DYNC2H1: variants seen among roughly 807,000 people sequenced by gnomAD.
DYNC2H1 encodes dynein cytoplasmic 2 heavy chain 1.
DYNC2H1 carries 410 observed loss-of-function variants against 570.0 expected under a neutral mutation model. The ratio of observed to expected loss-of-function variants is 0.72; its 90% CI spans 0.66 to 0.78. The LOEUF (loss-of-function observed/expected upper bound fraction) is 0.78. Among genes scored for constraint, DYNC2H1 ranks in the 30% least tolerant of loss-of-function variants. The pLI is 0.00. For synonymous variants in DYNC2H1, 1,688 were observed against 1,677.6 expected, an observed-to-expected ratio of 1.01 and a Z score of -0.15; for missense variants, 4,865 against 5,046.4, an observed-to-expected ratio of 0.96 and a Z score of 1.09.
chr11:103,152,011 G>A, intron 20 of DYNC2H1, 125 bp from the exon 21 acceptor site: 1 of 1,109,374 alleles, frequency 9.0e-7, no homozygotes, highest in African/African-American at 1.6e-5. Context: ...TTAACAAACT[G>A]TTTAAATGCA....
chr11:103,124,979 A>G (rs1858915363), intron 11 of DYNC2H1, 121 bp from the exon 12 acceptor site: 1 of 696,962 alleles, frequency 1.4e-6, no homozygotes, highest in South Asian at 2.6e-5. Flanking sequence ...CTATAATTAA[A>G]AAGTTTTTTT....
At chr11:103,287,911 T>A (rs1866413609) in intron 75 of DYNC2H1, among the ~76,000 whole-genome samples, 2 of 151,220 alleles carry the variant, frequency 1.3e-5, no homozygotes, top group South Asian at 4.2e-4. Flanking sequence ...GAGACCGGAG[T>A]TTTATTATTA....
At chr11:103,217,416 A>C (rs1591425568) in intron 55 of DYNC2H1, among the ~76,000 whole-genome samples, 1 of 152,206 alleles carries the variant, frequency 6.6e-6, no homozygotes. Flanking sequence ...ATATTACTGT[A>C]ATATTAGGCA....
At chr11:103,126,172 A>G (rs1363254979) in intron 12 of DYNC2H1, among the ~76,000 whole-genome samples, 1 of 152,216 alleles carries the variant, frequency 6.6e-6, no homozygotes, top group East Asian at 1.9e-4. Context: ...CCTGTCAGGC[A>G]TAGCATAGGA....
At position 103,347,833 on chromosome 11, in the gene DYNC2H1, A is replaced by T. The variant is rs567265657; in HGVS notation, c.12040-10410A>T. On this transcript the variant is annotated intron_variant, in intron 82 of 88. Coordinates refer to ENST00000375735, the MANE Select transcript of DYNC2H1 (RefSeq NM_001377.3). ...TGTTGAAAATGGCAACCACTTTTCA[A>T]GTCCCCCTCACAGTTAGAGAACAGT... Among the ~76,000 whole-genome samples the T allele has an allele frequency of 4.6e-5, 7 of 152,184 alleles. No individual in the cohort carries two copies. In the East Asian group the frequency reaches 1.4e-3, roughly 29 times the overall value.
chr11:103,238,541 A>G (rs1471897299), intron 63 of DYNC2H1, among the ~76,000 whole-genome samples: 2 of 151,174 alleles, frequency 1.3e-5, no homozygotes, highest in Non-Finnish European at 1.5e-5. Context: ...CGCATACTCC[A>G]GCCTGGGTGA....
intron 83 of DYNC2H1, among the ~76,000 whole-genome samples, chr11:103,361,283 G>T (rs923799683): frequency 6.6e-6 from 1 of 152,118 alleles, no homozygotes; most frequent in Admixed American, 6.6e-5. Context: ...AGGTTCCAGA[G>T]GGATCCCTTA....
chr11:103,234,715 A>G (rs1385531700), intron 61 of DYNC2H1, among the ~76,000 whole-genome samples: 1 of 151,826 alleles, frequency 6.6e-6, no homozygotes, highest in Admixed American at 6.6e-5. Flanking sequence ...AATATCACCT[A>G]CACCTTCATA....
intron 83 of DYNC2H1, among the ~76,000 whole-genome samples, chr11:103,370,048 G>A (rs546380239): frequency 6.6e-6 from 1 of 152,334 alleles, no homozygotes; most frequent in Non-Finnish European, 1.5e-5. Flanking sequence ...GCTCTTAGAC[G>A]GCATTGCTGG....
intron 12 of DYNC2H1, among the ~76,000 whole-genome samples, chr11:103,125,905 G>C (rs927196932): frequency 1.3e-5 from 2 of 152,140 alleles, no homozygotes; most frequent in African/African-American, 4.8e-5. Context: ...ATTGAAATCT[G>C]TTCTCTGATT....
rs568596506 is a variant in DYNC2H1 at position 103,245,257 on chromosome 11, A to G, written c.9925A>G (p.Asn3309Asp). 2 of 1,536,264 alleles carry G rather than the reference A, an allele frequency of 1.3e-6. No individual in the cohort carries two copies. Among genetic ancestry groups the G allele is most frequent in the African/African-American group, 1.4e-5 (1 of 72,682 alleles). Residue 3309 changes from asparagine (N) to aspartate (D), a missense_variant, in exon 65 of 89, where the codon AAC becomes GAC. Physicochemically the swap from Asn to Asp is conservative, Grantham distance 23 (BLOSUM62 1). This residue lies in a region of DYNC2H1 where 2,401 missense variants were observed against 2,454.6 expected (regional missense o/e 0.98). Transcript: ENST00000375735. The surrounding 1 kb of genome is among the most constrained non-coding windows in gnomAD (Gnocchi z 4.5). ...RLEVINQQDS[N>D]FITALELAVR... ...TTCTTTTTTATTCAATTAGGATAGT[A>G]ACTTTATCACAGCTCTTGAATTAGC...
Position 103,133,546 on chromosome 11 carries a change from G to C in DYNC2H1, c.1954-9G>C. On this transcript the variant is annotated splice_polypyrimidine_tract_variant and intron_variant, in intron 13 of 88. Coordinates refer to ENST00000375735, the MANE Select transcript of DYNC2H1 (RefSeq NM_001377.3). The surrounding 1 kb of genome is among the most constrained non-coding windows in gnomAD (Gnocchi z 4.8). ...TTATACATACTAAAGGTTATTTATTGTACCATAGAATTCAAAAGCAGGAAG... is the reference window on the plus strand; with the variant it reads ...TTATACATACTAAAGGTTATTTATTCTACCATAGAATTCAAAAGCAGGAAG... 6.2e-7 allele frequency: 1 copy of C among 1,601,484 alleles called. No homozygotes were observed. The highest frequency in any genetic ancestry group is 1.1e-5 in the South Asian group (1 of 87,292).
Position 103,353,565 on chromosome 11 carries a change from A to G in DYNC2H1, c.12040-4678A>G, listed in dbSNP as rs565996328. Among the ~76,000 whole-genome samples the G allele has an allele frequency of 3.9e-5, 6 of 152,198 alleles. 1 individual carries two copies. In the South Asian group the frequency reaches 6.2e-4, roughly 16 times the overall value. ...GCAGTTTTTGCCATTACTTTTAATG[A>G]CAAAGTATCTATATATCTATATATA... is the stretch of plus-strand genomic sequence containing the variant. On this transcript the variant is annotated intron_variant, in intron 82 of 88. Transcript: ENST00000375735.
intron 73 of DYNC2H1, 87 bp from the exon 74 acceptor site, chr11:103,286,168 G>C: frequency 1.3e-6 from 2 of 1,497,514 alleles, no homozygotes; most frequent in Non-Finnish European, 1.8e-6. Flanking sequence ...ACCAATAATT[G>C]GTTCTCACTT....
At chr11:103,219,485 A>G (rs687137) in intron 55 of DYNC2H1, among the ~76,000 whole-genome samples, 114,925 of 151,928 alleles carry the variant, frequency 0.76, 44,003 homozygotes, top group Admixed American at 0.83. Flanking sequence ...GGTGGTGGGC[A>G]CCTGTAATCC....
intron 83 of DYNC2H1, among the ~76,000 whole-genome samples, chr11:103,398,680 G>C (rs1263330693): frequency 6.6e-6 from 1 of 152,092 alleles, no homozygotes; most frequent in Non-Finnish European, 1.5e-5. Context: ...TTTCTTGGCA[G>C]TTCTTTGACA....
At position 103,186,953 on chromosome 11, in the gene DYNC2H1, G is replaced by A. The variant is rs1401331879; in HGVS notation, c.6894-387G>A. ...GTTTATTATTTTCATATTTCTAGTA[G>A]GGGAGTAGTAATTTTAAAAATTGTA... On this transcript the variant is annotated intron_variant, in intron 42 of 88. Transcript: ENST00000375735. The surrounding 1 kb of genome is among the most constrained non-coding windows in gnomAD (Gnocchi z 4.5). Among the ~76,000 whole-genome samples the A allele has an allele frequency of 2.0e-5, 3 of 151,854 alleles. No homozygotes were observed. The highest frequency in any genetic ancestry group is 2.9e-5 in the Non-Finnish European group (2 of 67,950).
chr11:103,197,284 G>C (rs1300820027), intron 47 of DYNC2H1, among the ~76,000 whole-genome samples: 2 of 151,976 alleles, frequency 1.3e-5, no homozygotes, highest in African/African-American at 4.8e-5. Context: ...GGAGGAAAAT[G>C]GGACAAACTG....
At chr11:103,160,775 A>G (rs1266598684) in intron 28 of DYNC2H1, among the ~76,000 whole-genome samples, 157 bp from the exon 29 acceptor site, 1 of 152,046 alleles carries the variant, frequency 6.6e-6, no homozygotes, top group Non-Finnish European at 1.5e-5. Context: ...TCAATAGGAC[A>G]TTTAAACACT....
Sources: allele counts gnomAD v4.1 joint callset (sites outside exome capture counted in the v4.1 genomes callset), GRCh38; gene constraint gnomAD v4.1.1; regional missense constraint gnomAD v4.1.1; non-coding constraint Gnocchi (gnomAD v3.1); transcripts MANE v1.5; gene names NCBI Gene and HGNC (gene_info 2026-07-23, HGNC 2026-07-21).